GRHL2: variants seen among roughly 807,000 people sequenced by gnomAD.
The protein encoded by GRHL2 is grainyhead like transcription factor 2.
In GRHL2, 21 loss-of-function variants were observed where a neutral mutation model predicts 83.8. The ratio of observed to expected loss-of-function variants is 0.25; its 90% CI spans 0.18 to 0.36. The LOEUF is 0.36. Ranked by LOEUF, GRHL2 falls within the 10% of genes least tolerant of loss-of-function variation. GRHL2 has a pLI of 1.00. For synonymous variants in GRHL2, 280 were observed against 278.9 expected (o/e 1.00, Z -0.04); for missense variants, 623 against 781.8 (o/e 0.80, Z 2.42).
chr8:101,555,926 A>C (rs1811480060), intron 3 of GRHL2, among the ~76,000 whole-genome samples: 2 of 152,170 alleles, frequency 1.3e-5, no homozygotes, highest in African/African-American at 4.8e-5. Flanking sequence ...CCTTCTTTAC[A>C]CACAGGAGCC....
chr8:101,580,089 C>A (rs929051552), intron 7 of GRHL2, among the ~76,000 whole-genome samples: 5 of 152,236 alleles, frequency 3.3e-5, no homozygotes, highest in African/African-American at 1.2e-4. Flanking sequence ...CAGGTTCAAC[C>A]AAGTCAGCCA....
chr8:101,652,579 G>C (rs1813691104), intron 14 of GRHL2, among the ~76,000 whole-genome samples: 1 of 110,962 alleles, frequency 9.0e-6, no homozygotes, highest in African/African-American at 4.1e-5. Flanking sequence ...TGTGTGGTGT[G>C]TGTGGTGTCT....
chr8:101,642,356 A>G (rs978437104), intron 12 of GRHL2, among the ~76,000 whole-genome samples: 1 of 152,252 alleles, frequency 6.6e-6, no homozygotes. Flanking sequence ...AGTCAGCAGA[A>G]CTGGAAAAAT....
At chr8:101,645,755 TTAG>T (rs149121655) in intron 13 of GRHL2, among the ~76,000 whole-genome samples, 2,188 of 152,304 alleles carry the variant, frequency 0.014, 60 homozygotes, top group African/African-American at 0.05. Flanking sequence ...AGTTTTATTA[TTAG>T]TAACTAGTTA....
At chr8:101,546,870 T>C (rs1436362321) in intron 2 of GRHL2, among the ~76,000 whole-genome samples, 2 of 152,240 alleles carry the variant, frequency 1.3e-5, no homozygotes, top group Non-Finnish European at 2.9e-5. Flanking sequence ...GAAATATTGC[T>C]TTCTGTAACT....
intron 9 of GRHL2, among the ~76,000 whole-genome samples, chr8:101,620,175 A>C (rs1348708349): frequency 2.0e-5 from 3 of 152,134 alleles, no homozygotes; most frequent in Non-Finnish European, 4.4e-5. Flanking sequence ...TTTTCTAAGG[A>C]CACAAATTCT....
chr8:101,533,451 C>T (rs965137400), intron 1 of GRHL2, among the ~76,000 whole-genome samples: 4 of 152,108 alleles, frequency 2.6e-5, no homozygotes, highest in Non-Finnish European at 4.4e-5. Context: ...CCAAGTATGT[C>T]GCAGGCACTG....
At chr8:101,664,643 C>A in intron 15 of GRHL2, 125 bp downstream of exon 15, 1 of 726,774 alleles carries the variant, frequency 1.4e-6, no homozygotes, top group Non-Finnish European at 2.4e-6. Context: ...TTGTGTCCTT[C>A]TTCCAGAGAA....
intron 9 of GRHL2, among the ~76,000 whole-genome samples, chr8:101,628,922 A>T (rs1813131672): frequency 6.6e-6 from 1 of 152,164 alleles, no homozygotes; most frequent in African/African-American, 2.4e-5. Context: ...GTTGCATCTT[A>T]TGGATGTGCA....
intron 14 of GRHL2, among the ~76,000 whole-genome samples, chr8:101,657,444 G>T (rs1454706237): frequency 2.6e-5 from 4 of 152,146 alleles, no homozygotes; most frequent in Non-Finnish European, 5.9e-5. Context: ...GAATCATCCT[G>T]GGTGTCAAGG....
chr8:101,677,155 A>C, the GRHL2 span, among the ~76,000 whole-genome samples: 1 of 151,950 alleles, frequency 6.6e-6, no homozygotes, highest in Non-Finnish European at 1.5e-5. Context: ...TGGCACATGT[A>C]TACATATGTA....
intron 8 of GRHL2, among the ~76,000 whole-genome samples, chr8:101,618,841 T>A (rs1812906463): frequency 6.8e-6 from 1 of 147,256 alleles, no homozygotes; most frequent in Admixed American, 6.8e-5. Flanking sequence ...TGTTATCTGA[T>A]TTTTTTTTTT....
intron 7 of GRHL2, among the ~76,000 whole-genome samples, chr8:101,584,993 A>C (rs1433715298): frequency 6.7e-6 from 1 of 149,896 alleles, no homozygotes; most frequent in Non-Finnish European, 1.5e-5. Context: ...GTAGTCAGGT[A>C]GCCAGGTGAT....
intron 14 of GRHL2, among the ~76,000 whole-genome samples, chr8:101,659,680 C>T (rs1303451972): frequency 6.6e-6 from 1 of 152,120 alleles, no homozygotes; most frequent in African/African-American, 2.4e-5. Context: ...AGTATGGCCA[C>T]CAGGAGACAT....
chr8:101,619,886 T>G (rs552816643), intron 9 of GRHL2, among the ~76,000 whole-genome samples, 189 bp downstream of exon 9: 1 of 151,154 alleles, frequency 6.6e-6, no homozygotes, highest in South Asian at 2.1e-4. Context: ...GTCAACTATT[T>G]TTTTTTTTTT....
At chr8:101,493,863 G>T (rs886806603) in intron 1 of GRHL2, among the ~76,000 whole-genome samples, 1 of 151,644 alleles carries the variant, frequency 6.6e-6, no homozygotes, top group Non-Finnish European at 1.5e-5. Context: ...GCGTCCTGAC[G>T]GCCTCCCCCC....
At chr8:101,664,192 T>TA (rs1813990637) in intron 14 of GRHL2, among the ~76,000 whole-genome samples, 1 of 152,252 alleles carries the variant, frequency 6.6e-6, no homozygotes, top group Non-Finnish European at 1.5e-5. Context: ...ACATCATAGT[T>TA]ACAGTCCATC....
Position 101,633,712 on chromosome 8 carries a change from T to C in GRHL2, c.1485+1347T>C, listed in dbSNP as rs143492560. On this transcript the variant is annotated intron_variant, in intron 11 of 15. Transcript: ENST00000646743. Reference sequence around the variant, plus strand: ...GGAAGAATTTTATAATTTATCAAGATAAGCATGCCAGTACCTATTTTTTTT... The same window carrying C: ...GGAAGAATTTTATAATTTATCAAGACAAGCATGCCAGTACCTATTTTTTTT... Among the ~76,000 whole-genome samples, 3 of 152,304 alleles carry C rather than the reference T, an allele frequency of 2.0e-5. No individual in the cohort carries two copies. In the East Asian group the frequency reaches 5.8e-4, roughly 29 times the overall value.
At chr8:101,606,880 TA>T (rs1381624332) in intron 8 of GRHL2, among the ~76,000 whole-genome samples, 2 of 152,240 alleles carry the variant, frequency 1.3e-5, no homozygotes, top group Non-Finnish European at 2.9e-5. Flanking sequence ...TCAATTTTAG[TA>T]GCTTAAAAGA....
Sources: allele counts gnomAD v4.1 joint callset (sites outside exome capture counted in the v4.1 genomes callset), GRCh38; gene constraint gnomAD v4.1.1; transcripts MANE v1.5; gene names NCBI Gene and HGNC (gene_info 2026-07-23, HGNC 2026-07-21).